WDPCP: variants seen among roughly 807,000 people sequenced by gnomAD.
WDPCP encodes the protein WD repeat-containing and planar cell polarity effector protein fritz homolog.
A neutral mutation model predicts 93.1 loss-of-function variants in WDPCP; 71 were observed. The ratio of observed to expected loss-of-function variants is 0.76; its 90% CI spans 0.63 to 0.93. WDPCP has a LOEUF of 0.93. WDPCP is among the 40% of genes least tolerant of loss of function. The probability of loss-of-function intolerance (pLI) is 0.00; values close to 1 mark genes in which losing one functional copy is unlikely to be tolerated. For synonymous variants in WDPCP, 315 were observed against 315.0 expected (o/e 1.00, Z 0.00); for missense variants, 844 against 887.4 (o/e 0.95, Z 0.62).
At chr2:63,432,943 C>G (rs778457272) in intron 9 of WDPCP, among the ~76,000 whole-genome samples, 2 of 152,142 alleles carry the variant, frequency 1.3e-5, no homozygotes, top group Non-Finnish European at 2.9e-5. Context: ...CTGGGAAATA[C>G]TCCTTAAAGT....
chr2:63,247,985 A>T (rs1391459660), intron 14 of WDPCP, among the ~76,000 whole-genome samples: 1 of 152,064 alleles, frequency 6.6e-6, no homozygotes, highest in Non-Finnish European at 1.5e-5. Context: ...AGTTACAACA[A>T]TCTAATTTAA....
chr2:63,355,710 C>T (rs761581026), intron 12 of WDPCP, among the ~76,000 whole-genome samples: 10 of 151,948 alleles, frequency 6.6e-5, no homozygotes, highest in Non-Finnish European at 1.2e-4. Flanking sequence ...TGAGACCCCC[C>T]AACCCCCATC....
chr2:63,590,769 G>C (rs1709182507), upstream of WDPCP: 1 of 152,120 alleles, frequency 6.6e-6, no homozygotes, highest in African/African-American at 2.4e-5. Flanking sequence ...CAGAACATGA[G>C]GAAGAATTTG....
rs569375985 is a variant in WDPCP, at chr2:63,720,062, T to G, written n.309-69224A>C. ...TGGTATTCTGAATCTTTTATAATAT[T>G]TGTGTCATTACTAAAGAACAAAAAA... On this transcript the variant is annotated intron_variant and non_coding_transcript_variant, in intron 2 of 4. Coordinates refer to the WDPCP transcript ENST00000467687. 3.3e-5 allele frequency among the ~76,000 whole-genome samples: 5 copies of G among 152,252 alleles called. No homozygotes were observed. In the South Asian group the frequency reaches 1.0e-3, roughly 32 times the overall value.
chr2:63,424,257 C>T lies in WDPCP; in HGVS notation c.825+9488G>A, dbSNP rs546263574. Among the ~76,000 whole-genome samples, 6 of 10,534 alleles carry T rather than the reference C, an allele frequency of 5.7e-4. 1 individual carries two copies. The South Asian group carries it at 8.0e-3, about 14-fold the overall frequency. The allele number at this position is 10,534 out of a possible 152,430, so 6.9% of individuals were successfully genotyped here. ...GGAGGCGCGCGGTGTGTGTTGGGGG[C>T]GGGGGTGGGAGAGGGGGTGTGCGTC... On this transcript the variant is annotated intron_variant, in intron 9 of 17. Coordinates refer to ENST00000272321, the MANE Select transcript of WDPCP (RefSeq NM_015910.7).
At chr2:63,785,771 T>C (rs528334682) in intron 2 of WDPCP, among the ~76,000 whole-genome samples, 14 of 152,260 alleles carry the variant, frequency 9.2e-5, no homozygotes, top group South Asian at 2.1e-4. Flanking sequence ...AATTAGGTCA[T>C]CTGGAGAAAC....
intron 9 of WDPCP, among the ~76,000 whole-genome samples, chr2:63,408,604 G>A (rs548683996): frequency 6.6e-6 from 1 of 152,258 alleles, no homozygotes; most frequent in East Asian, 1.9e-4. Context: ...ACAGCCAGGG[G>A]GAGAAGCAAG....
chr2:63,726,405 A>G (rs1037171790), intron 2 of WDPCP, among the ~76,000 whole-genome samples: 1 of 152,162 alleles, frequency 6.6e-6, no homozygotes, highest in African/African-American at 2.4e-5. Flanking sequence ...CCATTCGTCT[A>G]TATGACTGTT....
At chr2:63,130,938 G>A (rs1404777208) in intron 17 of WDPCP, among the ~76,000 whole-genome samples, 1 of 152,024 alleles carries the variant, frequency 6.6e-6, no homozygotes, top group Non-Finnish European at 1.5e-5. Flanking sequence ...CTTTAATCAT[G>A]TATTATCCTT....
intron 4 of WDPCP, among the ~76,000 whole-genome samples, chr2:63,486,300 G>C (rs961691272): frequency 2.6e-5 from 4 of 151,696 alleles, no homozygotes; most frequent in Admixed American, 2.6e-4. Context: ...CTAATATATA[G>C]TTCATTATGA....
intron 6 of WDPCP, among the ~76,000 whole-genome samples, chr2:63,452,791 C>T (rs1363323599): frequency 2.6e-5 from 4 of 152,148 alleles, no homozygotes; most frequent in Admixed American, 6.5e-5. Context: ...TAATACCACA[C>T]ATCTACAACT....
At chr2:63,729,467 A>G (rs1669530953) in intron 2 of WDPCP, among the ~76,000 whole-genome samples, 1 of 152,176 alleles carries the variant, frequency 6.6e-6, no homozygotes, top group Admixed American at 6.5e-5. Context: ...CAGGAAACAC[A>G]TAGCCCCAGT....
intron 3 of WDPCP, among the ~76,000 whole-genome samples, chr2:63,625,566 C>T (rs6748271): frequency 0.074 from 11,276 of 152,128 alleles, 1,260 homozygotes; most frequent in African/African-American, 0.25. Context: ...CATGAGTGAA[C>T]TCCCATTCAC....
intron 2 of WDPCP, among the ~76,000 whole-genome samples, chr2:63,772,823 T>C (rs1670248652): frequency 1.3e-5 from 2 of 152,014 alleles, no homozygotes. Flanking sequence ...TAAAGAGTAG[T>C]TACAAAATAC....
chr2:63,323,279 C>T (rs185172343), intron 12 of WDPCP, among the ~76,000 whole-genome samples: 1 of 152,338 alleles, frequency 6.6e-6, no homozygotes, highest in East Asian at 1.9e-4. Flanking sequence ...TTCTAAAAAC[C>T]ACTCCCTGTC....
upstream of WDPCP, chr2:63,588,914 G>A (rs772094465): frequency 5.9e-5 from 75 of 1,262,140 alleles, no homozygotes; most frequent in Non-Finnish European, 7.4e-5. Flanking sequence ...CCCAGAGAGC[G>A]CCGCGTCGGG....
At position 63,733,216 on chromosome 2, in the gene WDPCP, G is replaced by A. The variant is rs1055313818; in HGVS notation, n.308+80406C>T. Among the ~76,000 whole-genome samples, 32 of 123,556 alleles carry A rather than the reference G, an allele frequency of 2.6e-4. 1 individual carries two copies. Among genetic ancestry groups the A allele is most frequent in the African/African-American group, 9.7e-4 (29 of 29,888 alleles). The allele number at this position is 123,556 out of a possible 152,430, so 81.1% of individuals were successfully genotyped here. A position where few individuals can be genotyped will look rare whatever the true frequency, so the allele number is the denominator to read the frequency against. Reference sequence around the variant, plus strand: ...TTTTTTTTTTTTTTTTTTTTAAGACGGAGTCTCGCTCTGTCGCCCAGGCCG... The same window carrying A: ...TTTTTTTTTTTTTTTTTTTTAAGACAGAGTCTCGCTCTGTCGCCCAGGCCG... On this transcript the variant is annotated intron_variant and non_coding_transcript_variant, in intron 2 of 4. Transcript: ENST00000467687.
intron 9 of WDPCP, among the ~76,000 whole-genome samples, chr2:63,428,673 C>T (rs1019167302): frequency 6.6e-6 from 1 of 152,178 alleles, no homozygotes. Context: ...TGGAACAAGA[C>T]AAGGATGCCT....
chr2:63,647,294 C>T (rs888340104), intron 3 of WDPCP, among the ~76,000 whole-genome samples: 30 of 152,166 alleles, frequency 2.0e-4, no homozygotes, highest in South Asian at 2.1e-4. Flanking sequence ...CCCGCCACCA[C>T]GCCCAGCTAA....
Sources: allele counts gnomAD v4.1 joint callset (sites outside exome capture counted in the v4.1 genomes callset), GRCh38; gene constraint gnomAD v4.1.1; transcripts MANE v1.5; gene names NCBI Gene and HGNC (gene_info 2026-07-23, HGNC 2026-07-21).